SLIT3: variants seen among roughly 807,000 people sequenced by gnomAD.
SLIT3 encodes the protein slit guidance ligand 3.
In SLIT3, 68 loss-of-function variants were observed where a neutral mutation model predicts 184.0. The ratio of observed to expected loss-of-function variants is 0.37; its 90% confidence interval spans 0.30 to 0.45. SLIT3 has a LOEUF of 0.45. Among genes scored for constraint, SLIT3 ranks in the 20% least tolerant of loss-of-function variants. The pLI is 1.00. For synonymous variants in SLIT3, 831 were observed against 828.6 expected, an observed-to-expected ratio of 1.00 and a Z score of -0.05; for missense variants, 1,707 against 2,026.0, an observed-to-expected ratio of 0.84 and a Z score of 3.02.
intron 32 of SLIT3, among the ~76,000 whole-genome samples, chr5:168,674,194 G>A (rs766273945): frequency 3.3e-5 from 5 of 152,196 alleles, no homozygotes; most frequent in Non-Finnish European, 7.3e-5. Flanking sequence ...TGCTAGGTAA[G>A]TTTGTTATCT....
chr5:168,816,557 A>C (rs1021951748), intron 8 of SLIT3, among the ~76,000 whole-genome samples: 7 of 152,138 alleles, frequency 4.6e-5, no homozygotes, highest in Non-Finnish European at 7.3e-5. Context: ...CCATCCCCAG[A>C]GATCTGAGCT....
In SLIT3 at chr5:169,262,137, G is replaced by A. The variant is rs551302388; in HGVS notation, c.198-10678C>T. On this transcript the variant is annotated intron_variant, in intron 1 of 35. Transcript: ENST00000519560. ...TTATGAAACCCTGAAGCAGAGGGCCGAGACAAATGGAAGGTGCTGAATGCC... is the reference window on the plus strand; with the variant it reads ...TTATGAAACCCTGAAGCAGAGGGCCAAGACAAATGGAAGGTGCTGAATGCC... Among the ~76,000 whole-genome samples, 26 of 152,202 alleles carry A rather than the reference G, an allele frequency of 1.7e-4. 1 individual carries two copies. Among genetic ancestry groups the A allele is most frequent in the Admixed American group, 9.2e-4 (14 of 15,288 alleles).
chr5:169,248,761 C>T (rs1581100741), intron 2 of SLIT3, among the ~76,000 whole-genome samples: 2 of 152,212 alleles, frequency 1.3e-5, no homozygotes, highest in Admixed American at 6.5e-5. Flanking sequence ...CATAGCAGAG[C>T]CCTTAGACTG....
In SLIT3 at chr5:168,851,643, T is replaced by C. The variant is rs546923089; in HGVS notation, c.486-6988A>G. Among the ~76,000 whole-genome samples, 4 of 152,276 alleles carry C rather than the reference T, an allele frequency of 2.6e-5. No individual in the cohort carries two copies. In the South Asian group the frequency reaches 6.2e-4, roughly 24 times the overall value. ...CCCATGTTTGGACCAAAGGGTTTTA[T>C]ACCTCGGTGGCCCAACTCCCCAAGG... On this transcript the variant is annotated intron_variant, in intron 5 of 35. Transcript: ENST00000519560.
intron 26 of SLIT3, among the ~76,000 whole-genome samples, chr5:168,703,335 T>A (rs2113291945): frequency 6.6e-6 from 1 of 150,998 alleles, no homozygotes; most frequent in African/African-American, 2.4e-5. Flanking sequence ...CCCCAACCCC[T>A]GGGACATGGA....
chr5:169,220,633 G>A (rs1764589010), intron 3 of SLIT3, among the ~76,000 whole-genome samples: 1 of 152,156 alleles, frequency 6.6e-6, no homozygotes, highest in Non-Finnish European at 1.5e-5. Flanking sequence ...CCAGAAATTG[G>A]GTAAGGCAGG....
At chr5:168,748,861 G>C (rs551902601) in intron 19 of SLIT3, among the ~76,000 whole-genome samples, 2 of 152,120 alleles carry the variant, frequency 1.3e-5, no homozygotes, top group African/African-American at 4.8e-5. Flanking sequence ...TTAATTATCT[G>C]TCTCTAGATA....
intron 4 of SLIT3, among the ~76,000 whole-genome samples, chr5:169,106,414 C>G (rs1760208875): frequency 6.6e-6 from 1 of 152,182 alleles, no homozygotes; most frequent in South Asian, 2.1e-4. Flanking sequence ...GATGAGGGAA[C>G]TCAATGGACA....
intron 12 of SLIT3, among the ~76,000 whole-genome samples, chr5:168,780,010 C>T (rs916670589): frequency 6.6e-6 from 1 of 152,246 alleles, no homozygotes; most frequent in Non-Finnish European, 1.5e-5. Context: ...CCCTTGGAGC[C>T]CACAGGCCTT....
intron 4 of SLIT3, among the ~76,000 whole-genome samples, chr5:168,924,915 A>AACGC (rs1290143037): frequency 1.3e-5 from 2 of 152,194 alleles, no homozygotes; most frequent in East Asian, 3.9e-4. Flanking sequence ...AGAAAGAAAG[A>AACGC]ACGCATCCCT....
intron 35 of SLIT3, chr5:168,666,893 T>A: frequency 2.5e-6 from 2 of 789,724 alleles, no homozygotes; most frequent in African/African-American, 1.7e-5. Flanking sequence ...CTGACAGGCT[T>A]ACACCTAAGC....
At chr5:168,767,099 A>T (rs886877308) in intron 14 of SLIT3, among the ~76,000 whole-genome samples, 1 of 152,208 alleles carries the variant, frequency 6.6e-6, no homozygotes, top group Non-Finnish European at 1.5e-5. Context: ...TTTTGTGAAC[A>T]TTAAACAAGG....
chr5:168,684,658 C>T (rs890276750), intron 31 of SLIT3, among the ~76,000 whole-genome samples: 4 of 151,894 alleles, frequency 2.6e-5, no homozygotes, highest in East Asian at 1.9e-4. Context: ...TTAGTAGAGA[C>T]GGGATTTCAC....
At chr5:169,003,692 T>G (rs17666714) in intron 4 of SLIT3, among the ~76,000 whole-genome samples, 11,919 of 152,302 alleles carry the variant, frequency 0.078, 570 homozygotes, top group East Asian at 0.18. Context: ...TGGGAGACTA[T>G]AAAGATATAA....
At chr5:168,969,328 GT>G (rs953467286) in intron 4 of SLIT3, among the ~76,000 whole-genome samples, 82 of 152,278 alleles carry the variant, frequency 5.4e-4, no homozygotes, top group Admixed American at 3.9e-3. Flanking sequence ...TTATGCAGAG[GT>G]TTTTGGCTTT....
chr5:168,857,617 A>G (rs1052154842), intron 5 of SLIT3, among the ~76,000 whole-genome samples: 3 of 152,136 alleles, frequency 2.0e-5, no homozygotes, highest in African/African-American at 7.2e-5. Flanking sequence ...GAGTCCTCAC[A>G]TGAAGTTTTT....
intron 4 of SLIT3, among the ~76,000 whole-genome samples, chr5:169,184,645 T>C (rs562176096): frequency 4.7e-4 from 71 of 152,196 alleles, no homozygotes; most frequent in Non-Finnish European, 6.0e-4. Context: ...CCAAATCTAA[T>C]GAACCAGACT....
chr5:169,061,028 C>T (rs1211121275), intron 4 of SLIT3, among the ~76,000 whole-genome samples: 1 of 152,150 alleles, frequency 6.6e-6, no homozygotes, highest in East Asian at 1.9e-4. Context: ...CCCTGCACCC[C>T]GGTTTCCTTA....
intron 1 of SLIT3, among the ~76,000 whole-genome samples, chr5:169,298,754 C>G (rs965983472): frequency 6.6e-6 from 1 of 152,218 alleles, no homozygotes; most frequent in African/African-American, 2.4e-5. Context: ...AAACACTTCA[C>G]TAGCTGCACG....
Sources: allele counts gnomAD v4.1 joint callset (sites outside exome capture counted in the v4.1 genomes callset), GRCh38; gene constraint gnomAD v4.1.1; transcripts MANE v1.5; gene names NCBI Gene and HGNC (gene_info 2026-07-23, HGNC 2026-07-21).